The following ZFYVE21 variants were observed in gnomAD, a reference collection of about 807,000 sequenced individuals.
ZFYVE21 encodes zinc finger FYVE-type containing 21, also known as zinc finger FYVE domain-containing protein 21.
ZFYVE21 carries 21 observed loss-of-function variants against 29.5 expected under a neutral mutation model. The observed-to-expected ratio is 0.71, with a 90% CI of 0.50 to 1.02. The LOEUF (loss-of-function observed/expected upper bound fraction) is 1.02, where lower values mean the gene tolerates loss of function less well. ZFYVE21 is among the 50% of genes least tolerant of loss of function. ZFYVE21 has a pLI of 0.00. For synonymous variants in ZFYVE21, 151 were observed against 133.8 expected (o/e 1.13, Z -0.89); for missense variants, 326 against 335.4 (o/e 0.97, Z 0.22).
At position 103,733,171 on chromosome 14, in the gene ZFYVE21, T is replaced by TTATC; in HGVS notation, c.*156_*159dup. 1 of 920,610 alleles carries TTATC rather than the reference T, an allele frequency of 1.1e-6. No homozygotes were observed. Among genetic ancestry groups the TTATC allele is most frequent in the Admixed American group, 2.3e-5 (1 of 43,260 alleles). The allele number at this position is 920,610 out of a possible 1,614,324, so 57.0% of individuals were successfully genotyped here. A position where few individuals can be genotyped will look rare whatever the true frequency, so the allele number is the denominator to read the frequency against. Reference sequence around the variant, plus strand: ...TATTTGGAGAAACAGGAGTGTTCACTTATCTAGTGCAATATGTTCACAGTT... The same window carrying TTATC: ...TATTTGGAGAAACAGGAGTGTTCACTTATCTATCTAGTGCAATATGTTCACAGTT... On this transcript the variant is annotated 3_prime_UTR_variant, in exon 7 of 7. Transcript: ENST00000311141.
At chr14:103,727,202 T>C (rs2083935239) in intron 2 of ZFYVE21, 2 of 346,194 alleles carry the variant, frequency 5.8e-6, no homozygotes, top group South Asian at 4.7e-5. Context: ...CACCTCGGCC[T>C]CCCAAAGTGC....
chr14:103,732,393 G>A (rs1372073412), intron 5 of ZFYVE21: 5 of 437,092 alleles, frequency 1.1e-5, no homozygotes, highest in African/African-American at 2.0e-5. Flanking sequence ...TGGGGCACCC[G>A]GCTGAGTGTC....
intron 1 of ZFYVE21, chr14:103,726,420 C>A: frequency 5.6e-6 from 1 of 177,850 alleles, no homozygotes; most frequent in Non-Finnish European, 1.2e-5. Flanking sequence ...CTCTTTGGTT[C>A]CAGTAACAGG....
chr14:103,727,986 G>A, intron 3 of ZFYVE21, 72 bp downstream of exon 3: 1 of 1,488,358 alleles, frequency 6.7e-7, no homozygotes, highest in Non-Finnish European at 9.1e-7. Flanking sequence ...CGATGCTGTG[G>A]GCTGTGCACG....
chr14:103,726,594 T>A (rs2083926661), intron 1 of ZFYVE21, 198 bp from the exon 2 acceptor site: 1 of 667,434 alleles, frequency 1.5e-6, no homozygotes, highest in African/African-American at 1.8e-5. Flanking sequence ...GGGAGCAGCC[T>A]GCACCCCACC....
intron 1 of ZFYVE21, among the ~76,000 whole-genome samples, chr14:103,723,702 G>A (rs80143779): frequency 5.9e-5 from 9 of 152,214 alleles, no homozygotes; most frequent in African/African-American, 2.2e-4. Context: ...GAGGGTACAC[G>A]TGGCTGTGGG....
rs1238345234 is a variant in ZFYVE21, at chr14:103,727,913, C to A, written c.357C>A (p.Ser119Arg). 6.2e-7 allele frequency: 1 copy of A among 1,610,746 alleles called. No individual in the cohort carries two copies. The highest frequency in any genetic ancestry group is 8.5e-7 in the Non-Finnish European group (1 of 1,178,286). ...ACAAGCAGCTCAAAGTGCTCCTGAG[C>A]GGTAAGGACGGGTGTCCTGCACAGT... is the stretch of plus-strand genomic sequence containing the variant. ...FYDKQLKVLL[S>R]GATFLVTFGN... Residue 119 changes from serine (S) to arginine (R), a missense_variant and splice_region_variant, in exon 3 of 7, where the codon AGC (serine) becomes AGA (arginine). Ser to Arg is a moderately radical substitution (Grantham distance 110). Coordinates refer to ENST00000311141, the MANE Select transcript of ZFYVE21 (RefSeq NM_024071.4).
Position 103,733,096 on chromosome 14 carries a change from G to A in ZFYVE21, c.*78G>A, listed in dbSNP as rs1337512806. On this transcript the variant is annotated 3_prime_UTR_variant, in exon 7 of 7. Coordinates refer to ENST00000311141, the MANE Select transcript of ZFYVE21 (RefSeq NM_024071.4). ...TGGAACAGCAGAGCCTGCTCCTTGC[G>A]TACCACAGGGATTAATCCTGCTTGT... 1.9e-5 allele frequency: 30 copies of A among 1,582,092 alleles called. No homozygotes were observed. The highest frequency in any genetic ancestry group is 1.7e-4 in the Middle Eastern group (1 of 6,002).
chr14:103,729,891 C>T, intron 5 of ZFYVE21: 1 of 1,530,826 alleles, frequency 6.5e-7, no homozygotes, highest in Non-Finnish European at 8.7e-7. Context: ...TGCAGCGGGC[C>T]CGTTCCTCCC....
chr14:103,729,625 C>T lies in ZFYVE21; in HGVS notation c.526+443C>T, dbSNP rs893349128. ...GGTGCATTTCCTGGTGAGCTTTGGC[C>T]CATCCTGGGCCTCTCCACTAAACTC... On this transcript the variant is annotated intron_variant, in intron 5 of 6. Coordinates refer to ENST00000311141, the MANE Select transcript of ZFYVE21 (RefSeq NM_024071.4). 4 of 838,638 alleles carry T rather than the reference C, an allele frequency of 4.8e-6. No individual in the cohort carries two copies. In the African/African-American group the frequency reaches 5.1e-5, roughly 11 times the overall value. 51.9% of individuals were successfully genotyped at this position (838,638 alleles called of 1,614,324 possible). A position where few individuals can be genotyped will look rare whatever the true frequency, so the allele number is the denominator to read the frequency against.
rs2151949177 is a variant in ZFYVE21, at chr14:103,716,167, G to A, written c.138+188G>A. 1.3e-5 allele frequency among the ~76,000 whole-genome samples: 2 copies of A among 151,826 alleles called. No homozygotes were observed. The highest frequency in any genetic ancestry group is 3.9e-4 in the East Asian group (2 of 5,140). On this transcript the variant is annotated intron_variant, in intron 1 of 6. Coordinates refer to ENST00000311141, the MANE Select transcript of ZFYVE21 (RefSeq NM_024071.4). The surrounding 1 kb of genome is among the most constrained non-coding windows in gnomAD (Gnocchi z 4.8). ...CGCCGCCTCAGGCTCCTACGCCCGCGGGGAGGGCGGGAGGCGCGCGGTGTC... is the reference window on the plus strand; with the variant it reads ...CGCCGCCTCAGGCTCCTACGCCCGCAGGGAGGGCGGGAGGCGCGCGGTGTC...
intron 1 of ZFYVE21, among the ~76,000 whole-genome samples, chr14:103,717,221 C>G (rs1452778091): frequency 6.6e-6 from 1 of 152,210 alleles, no homozygotes; most frequent in African/African-American, 2.4e-5. Flanking sequence ...GCCCACCTCT[C>G]CCCAGTATCG....
intron 1 of ZFYVE21, among the ~76,000 whole-genome samples, chr14:103,721,724 C>T (rs1380628850): frequency 6.6e-6 from 1 of 152,264 alleles, no homozygotes; most frequent in Admixed American, 6.5e-5. Flanking sequence ...TCACAGCCTG[C>T]ACCTCTGGCC....
chr14:103,718,807 A>T (rs115749783), intron 1 of ZFYVE21, among the ~76,000 whole-genome samples: 1 of 152,160 alleles, frequency 6.6e-6, no homozygotes. Context: ...CCGCAGCTCC[A>T]TGCTGGCGGG....
chr14:103,732,881 G>T (rs2083998371), intron 6 of ZFYVE21, 102 bp from the exon 7 acceptor site: 1 of 1,603,798 alleles, frequency 6.2e-7, no homozygotes, highest in South Asian at 1.1e-5. Flanking sequence ...TTCCCCCTCA[G>T]CTGGGGTGCC....
chr14:103,716,738 G>A lies in ZFYVE21; in HGVS notation c.138+759G>A, dbSNP rs905461211. On this transcript the variant is annotated intron_variant, in intron 1 of 6. Coordinates refer to ENST00000311141, the MANE Select transcript of ZFYVE21 (RefSeq NM_024071.4). The surrounding 1 kb of genome is among the most constrained non-coding windows in gnomAD (Gnocchi z 4.8). ...GCGTGGGCGTGGGGTCCCTGAGCCA[G>A]GCCATCCGCTGGGCCTCCCGTGGGG... Among the ~76,000 whole-genome samples, 4 of 152,186 alleles carry A rather than the reference G, an allele frequency of 2.6e-5. No individual in the cohort carries two copies. The highest frequency in any genetic ancestry group is 9.7e-5 in the African/African-American group (4 of 41,444).
chr14:103,733,142 C>A lies in ZFYVE21; in HGVS notation c.*124C>A. On this transcript the variant is annotated 3_prime_UTR_variant, in exon 7 of 7. Transcript: ENST00000311141. ...CTTGTGCTGGGAAATGCAACTCACT[C>A]ATGTATTTGGAGAAACAGGAGTGTT... 1 of 1,306,656 alleles carries A rather than the reference C, an allele frequency of 7.7e-7. No individual in the cohort carries two copies. Among genetic ancestry groups the A allele is most frequent in the Non-Finnish European group, 1.1e-6 (1 of 922,610 alleles). 80.9% of individuals were successfully genotyped at this position (1,306,656 alleles called of 1,614,324 possible). A position where few individuals can be genotyped will look rare whatever the true frequency, so the allele number is the denominator to read the frequency against.
chr14:103,726,522 C>T (rs1176255351), intron 1 of ZFYVE21: 1 of 439,822 alleles, frequency 2.3e-6, no homozygotes, highest in Non-Finnish European at 4.1e-6. Flanking sequence ...TGCTGCGAGA[C>T]AGTCAAACCC....
intron 2 of ZFYVE21, chr14:103,727,130 G>C: frequency 2.6e-6 from 1 of 386,748 alleles, no homozygotes; most frequent in Non-Finnish European, 4.8e-6. Context: ...ATTTTTAGTA[G>C]AGATGGGGTT....
Sources: allele counts gnomAD v4.1 joint callset (sites outside exome capture counted in the v4.1 genomes callset), GRCh38; gene constraint gnomAD v4.1.1; non-coding constraint Gnocchi (gnomAD v3.1); transcripts MANE v1.5; gene names NCBI Gene and HGNC (gene_info 2026-07-23, HGNC 2026-07-21).